OR2I1: variants seen among roughly 807,000 people sequenced by gnomAD.
OR2I1 encodes olfactory receptor family 2 subfamily I member 1 (gene/pseudogene).
chr6:29,551,004 T>C, the OR2I1 span: 1 of 152,256 alleles, frequency 6.6e-6, no homozygotes, highest in Non-Finnish European at 1.5e-5. Context: ...ATGATGGGTT[T>C]ATGTGTACAG....
the OR2I1 span, among the ~76,000 whole-genome samples, chr6:29,552,224 G>A: frequency 2.0e-5 from 3 of 152,090 alleles, no homozygotes; most frequent in African/African-American, 7.2e-5. Flanking sequence ...CCAAGGATTT[G>A]GGACAGGAAA....
the OR2I1 span, chr6:29,556,280 AT>A: frequency 6.2e-7 from 1 of 1,612,982 alleles, no homozygotes; most frequent in Non-Finnish European, 8.5e-7. Context: ...ATGTTCTTTG[AT>A]TTTTTTCACG....
chr6:29,553,255 C>T, the OR2I1 span: 19 of 398,824 alleles, frequency 4.8e-5, no homozygotes, highest in Non-Finnish European at 7.5e-5. Flanking sequence ...GCGCTTTCTC[C>T]TGCTGGGTTT....
the OR2I1 span, chr6:29,555,715 CAT>C: frequency 1.7e-6 from 1 of 593,170 alleles, no homozygotes; most frequent in Admixed American, 3.0e-5. Context: ...ATCAAAGAAA[CAT>C]AGAGTTGGGC....
At chr6:29,553,153 C>T in the OR2I1 span, 2 of 398,280 alleles carry the variant, frequency 5.0e-6, no homozygotes, top group Non-Finnish European at 8.8e-6. Context: ...AAGGTTTTCC[C>T]TTTGCTTATA....
the OR2I1 span, chr6:29,555,965 C>G: frequency 5.6e-6 from 9 of 1,613,124 alleles, no homozygotes; most frequent in Non-Finnish European, 7.6e-6. Context: ...ATCTTCCAGT[C>G]TCTTTCCATT....
the OR2I1 span, chr6:29,553,564 G>T: frequency 1.3e-4 from 51 of 398,444 alleles, no homozygotes; most frequent in African/African-American, 8.0e-4. Context: ...CCTCCTGGCG[G>T]TGATGGCTCT....
the OR2I1 span, chr6:29,555,562 G>C: frequency 6.1e-6 from 2 of 330,290 alleles, no homozygotes; most frequent in Non-Finnish European, 1.1e-5. Context: ...AAAGGAGATA[G>C]GAGTTTTTGC....
At chr6:29,550,445 T>A in the OR2I1 span, 1 of 152,116 alleles carries the variant, frequency 6.6e-6, no homozygotes, top group Non-Finnish European at 1.5e-5. Context: ...TCTAACTGTG[T>A]CCTTTAGATC....
At chr6:29,552,656 A>C in the OR2I1 span, among the ~76,000 whole-genome samples, 3,944 of 152,256 alleles carry the variant, frequency 0.026, 143 homozygotes, top group African/African-American at 0.075. Context: ...GATAAAAGCA[A>C]AGATAATATT....
chr6:29,553,276 C>G, the OR2I1 span: 1 of 398,984 alleles, frequency 2.5e-6, no homozygotes, highest in Non-Finnish European at 4.4e-6. Flanking sequence ...CTCCGACTGG[C>G]CTTCCCTGCA....
the OR2I1 span, chr6:29,553,725 G>C: frequency 2.5e-6 from 1 of 398,460 alleles, no homozygotes; most frequent in South Asian, 1.3e-4. Flanking sequence ...CGCTGTGCGC[G>C]CCCCGCCTGC....
chr6:29,556,279 G>C, the OR2I1 span: 1 of 1,613,036 alleles, frequency 6.2e-7, no homozygotes, highest in South Asian at 1.1e-5. Flanking sequence ...CATGTTCTTT[G>C]ATTTTTTTCA....
chr6:29,553,516 C>G, the OR2I1 span: 1 of 398,656 alleles, frequency 2.5e-6, no homozygotes, highest in East Asian at 3.6e-5. Context: ...CACGGCCCAG[C>G]TGTGCGCATC....
chr6:29,556,411 C>T, the OR2I1 span: 18 of 1,277,454 alleles, frequency 1.4e-5, no homozygotes, highest in Admixed American at 3.8e-5. Flanking sequence ...CACTTCTACT[C>T]CCCACCACAA....
At chr6:29,552,619 TGAG>T in the OR2I1 span, among the ~76,000 whole-genome samples, 4 of 116,658 alleles carry the variant, frequency 3.4e-5, no homozygotes, top group Admixed American at 8.5e-5. Flanking sequence ...AGAGAGAACA[TGAG>T]GAGGAGGCTT....
chr6:29,552,584 T>TCCATGAATTGGGCAGCTCCAAG, the OR2I1 span, among the ~76,000 whole-genome samples: 93,638 of 152,004 alleles, frequency 0.62, 29,517 homozygotes, highest in South Asian at 0.78. Context: ...TGAGCAGTGA[T>TCCATGAATTGGGCAGCTCCAAG]CCAGAAGTGG....
chr6:29,552,103 T>C, the OR2I1 span, among the ~76,000 whole-genome samples: 5 of 152,226 alleles, frequency 3.3e-5, no homozygotes, highest in Non-Finnish European at 7.3e-5. Context: ...ACCCATATGT[T>C]TCTGTACCAT....
the OR2I1 span, among the ~76,000 whole-genome samples, chr6:29,551,524 G>C: frequency 8.5e-5 from 13 of 152,218 alleles, no homozygotes; most frequent in Non-Finnish European, 2.9e-5. Flanking sequence ...GTTAAGATTA[G>C]AGTTAATAAA....
Sources: allele counts gnomAD v4.1 joint callset (sites outside exome capture counted in the v4.1 genomes callset), GRCh38; gene constraint gnomAD v4.1.1; transcripts MANE v1.5; gene names NCBI Gene and HGNC (gene_info 2026-07-23, HGNC 2026-07-21).